USP10: variants seen among roughly 807,000 people sequenced by gnomAD.
The protein encoded by USP10 is ubiquitin specific peptidase 10.
In USP10, 22 loss-of-function variants were observed where a neutral mutation model predicts 84.5. The observed-to-expected ratio is 0.26, with a 90% CI of 0.19 to 0.37. The LOEUF is 0.37. USP10 is among the 10% of genes least tolerant of loss of function. USP10 has a pLI of 1.00. For missense variants in USP10, 1,019 were observed against 998.9 expected (o/e 1.02, Z -0.27); for synonymous variants, 454 against 387.6 (o/e 1.17, Z -2.01).
rs1220606908 is a variant in USP10 at position 84,713,785 on chromosome 16, A to T, written c.21+13674A>T. ...CACCTTGGCTCATGTTTGTGAGGAA[A>T]ATAGTTCACAAAGATGAGCCTTTGG... On this transcript the variant is annotated intron_variant, in intron 1 of 13. Coordinates refer to ENST00000219473, the MANE Select transcript of USP10 (RefSeq NM_005153.3). 2.0e-5 allele frequency among the ~76,000 whole-genome samples: 3 copies of T among 152,232 alleles called. No individual in the cohort carries two copies. In the East Asian group the frequency reaches 5.8e-4, roughly 29 times the overall value.
intron 1 of USP10, among the ~76,000 whole-genome samples, chr16:84,703,847 T>C (rs992943760): frequency 6.6e-6 from 1 of 152,150 alleles, no homozygotes; most frequent in African/African-American, 2.4e-5. Context: ...CTTGAGCCCA[T>C]CTCATTGAGA....
rs75446785 is a variant in USP10 at position 84,752,737 on chromosome 16, G to A, written c.1193-5979G>A. On this transcript the variant is annotated intron_variant, in intron 4 of 13. Coordinates refer to ENST00000219473, the MANE Select transcript of USP10 (RefSeq NM_005153.3). ...TTTGCACCCCTGTTTTTTTCACTGC[G>A]AGGAAGAAGAGGAGCTCACGAACTT... 3.3e-4 allele frequency among the ~76,000 whole-genome samples: 50 copies of A among 152,230 alleles called. No homozygotes were observed. The East Asian group carries it at 8.5e-3, about 26-fold the overall frequency.
intron 1 of USP10, among the ~76,000 whole-genome samples, chr16:84,730,672 C>T (rs962055286): frequency 2.0e-5 from 3 of 152,180 alleles, no homozygotes; most frequent in Admixed American, 1.3e-4. Context: ...CTCCTCTCCT[C>T]CTCTGCTGCC....
At chr16:84,723,653 A>G (rs1315659822) in intron 1 of USP10, among the ~76,000 whole-genome samples, 1 of 152,226 alleles carries the variant, frequency 6.6e-6, no homozygotes, top group East Asian at 1.9e-4. Context: ...ACTCTATGCC[A>G]AGTCTACTGC....
intron 4 of USP10, among the ~76,000 whole-genome samples, chr16:84,757,235 AAG>A (rs755957028): frequency 1.3e-5 from 2 of 152,160 alleles, no homozygotes; most frequent in Non-Finnish European, 2.9e-5. Flanking sequence ...ATTCCATATT[AAG>A]AGAGAGAGGA....
At chr16:84,757,739 T>C (rs984495247) in intron 4 of USP10, among the ~76,000 whole-genome samples, 3 of 152,168 alleles carry the variant, frequency 2.0e-5, no homozygotes, top group African/African-American at 7.2e-5. Context: ...GTGGATTGGC[T>C]GCAGATTATG....
chr16:84,748,153 C>CAAAAAA (rs1169089505), intron 4 of USP10, among the ~76,000 whole-genome samples: 20 of 51,160 alleles, frequency 3.9e-4, no homozygotes, highest in East Asian at 8.1e-4. Context: ...GACTCCATCT[C>CAAAAAA]AAAAAAAAAA....
chr16:84,778,950 C>T lies in USP10; in HGVS notation c.2265C>T (p.Phe755=). The change falls in exon 14 of 14, where the codon TTC becomes TTT. Residue 755 remains phenylalanine, a synonymous_variant. Coordinates refer to ENST00000219473, the MANE Select transcript of USP10 (RefSeq NM_005153.3). ...ATGGHYTTDV[F]QIGLNGWLRI... The stretch of plus-strand genomic sequence containing the variant: ...GCGGCCATTACACTACAGACGTCTT[C>T]CAGATCGGTCTGAATGGCTGGCTGC... 3.7e-6 allele frequency: 6 copies of T among 1,613,996 alleles called. No individual in the cohort carries two copies. Among genetic ancestry groups the T allele is most frequent in the Non-Finnish European group, 4.2e-6 (5 of 1,179,888 alleles).
At chr16:84,755,690 C>T (rs540832732) in intron 4 of USP10, among the ~76,000 whole-genome samples, 96 of 151,466 alleles carry the variant, frequency 6.3e-4, no homozygotes, top group South Asian at 6.3e-3. Flanking sequence ...CCCAGCTACT[C>T]GGGAGGCTGA....
In USP10 at chr16:84,737,552, C is replaced by T. The variant is rs375066408; in HGVS notation, c.91-2757C>T. Among the ~76,000 whole-genome samples the T allele has an allele frequency of 7.9e-5, 12 of 152,340 alleles. 1 individual carries two copies. The highest frequency in any genetic ancestry group is 5.2e-4 in the Admixed American group (8 of 15,304). The stretch of plus-strand genomic sequence containing the variant: ...TTCCACAGTGCCACAACCCATCTGG[C>T]ATTCCTGCAGGTGCGCTCTTTTATC... On this transcript the variant is annotated intron_variant, in intron 2 of 13. Coordinates refer to ENST00000219473, the MANE Select transcript of USP10 (RefSeq NM_005153.3).
At chr16:84,732,267 C>A (rs951237446) in intron 1 of USP10, among the ~76,000 whole-genome samples, 1 of 152,148 alleles carries the variant, frequency 6.6e-6, no homozygotes, top group African/African-American at 2.4e-5. Context: ...TCCCTGGAAG[C>A]TACTAGACTG....
intron 1 of USP10, chr16:84,716,285 T>G (rs909934818): frequency 1.3e-5 from 2 of 152,250 alleles, no homozygotes; most frequent in African/African-American, 4.8e-5. Context: ...TCTTACAGTC[T>G]TCTTTAAATA....
chr16:84,713,564 T>G (rs149852062), intron 1 of USP10, among the ~76,000 whole-genome samples: 42 of 152,332 alleles, frequency 2.8e-4, no homozygotes, highest in Non-Finnish European at 5.6e-4. Context: ...GGTTTTTGTT[T>G]GCTTTGTTCA....
At chr16:84,725,815 G>A (rs991020645) in intron 1 of USP10, among the ~76,000 whole-genome samples, 5 of 152,212 alleles carry the variant, frequency 3.3e-5, no homozygotes, top group Admixed American at 6.5e-5. Context: ...CCTTCATTTT[G>A]TAGATGAGAT....
chr16:84,730,833 ACCTT>A (rs988271345), intron 1 of USP10, among the ~76,000 whole-genome samples: 52 of 152,248 alleles, frequency 3.4e-4, no homozygotes, highest in African/African-American at 1.0e-3. Flanking sequence ...TAGGAAGAAA[ACCTT>A]CCTAAAGAAA....
At chr16:84,771,975 T>G (rs1453030750) in intron 11 of USP10, among the ~76,000 whole-genome samples, 2 of 152,228 alleles carry the variant, frequency 1.3e-5, no homozygotes, top group East Asian at 3.8e-4. Context: ...TTCTTAACTT[T>G]GAGTTTACGA....
At chr16:84,739,909 G>C (rs1201652874) in intron 2 of USP10, among the ~76,000 whole-genome samples, 1 of 152,234 alleles carries the variant, frequency 6.6e-6, no homozygotes, top group Non-Finnish European at 1.5e-5. Flanking sequence ...TCGTGAATAA[G>C]AGGTGCAGTC....
intron 8 of USP10, 62 bp downstream of exon 8, chr16:84,760,337 G>GT: frequency 7.0e-7 from 1 of 1,429,348 alleles, no homozygotes; most frequent in South Asian, 1.2e-5. Context: ...TGTTTGTGTG[G>GT]TAACTGTTGC....
chr16:84,758,748 C>G lies in USP10; in HGVS notation c.1225C>G (p.Pro409Ala), dbSNP rs1268248626. ...GGAGAATGTAACCCTAATCCATAAA[C>G]CAGTGTCGTTGCAACCCCGTGGGCT... Reference protein sequence around the residue: ...LLENVTLIHKPVSLQPRGLIN... With the variant: ...LLENVTLIHKAVSLQPRGLIN... The change falls in exon 5 of 14, where the codon CCA (proline) becomes GCA (alanine). Residue 409 changes from proline (P) to alanine (A), a missense_variant. Transcript: ENST00000219473. 1.2e-6 allele frequency: 2 copies of G among 1,613,780 alleles called. No homozygotes were observed. The highest frequency in any genetic ancestry group is 2.2e-5 in the East Asian group (1 of 44,890).
Sources: gnomAD v4.1 joint callset for allele counts (sites outside exome capture counted in the v4.1 genomes callset) on GRCh38, gnomAD v4.1.1 for gene constraint, MANE v1.5 for transcripts, NCBI Gene and HGNC (gene_info 2026-07-23, HGNC 2026-07-21) for gene names.